CEP135: variants seen among roughly 807,000 people sequenced by gnomAD.
CEP135 encodes the protein centrosomal protein of 135 kDa.
Under a neutral mutation model 157.3 loss-of-function variants are expected in CEP135, and 142 were observed. That is an observed-to-expected ratio of 0.90 (90% confidence interval 0.79 to 1.04). The LOEUF (loss-of-function observed/expected upper bound fraction) is 1.04, where lower values mean the gene tolerates loss of function less well. Among genes scored for constraint, CEP135 ranks in the 50% least tolerant of loss-of-function variants. The pLI is 0.00. For synonymous variants in CEP135, 396 were observed against 439.8 expected (o/e 0.90, Z 1.25); for missense variants, 1,317 against 1,309.2 (o/e 1.01, Z -0.09).
At chr4:56,009,352 C>T (rs1577905253) in intron 18 of CEP135, among the ~76,000 whole-genome samples, 1 of 151,868 alleles carries the variant, frequency 6.6e-6, no homozygotes, top group African/African-American at 2.4e-5. Context: ...TTAGTAGAGA[C>T]GGGGTTTCAC....
rs1017652545 is a variant in CEP135 at position 56,003,218 on chromosome 4, C to T, written c.2280+3573C>T. The stretch of plus-strand genomic sequence containing the variant: ...TTTCTTTTTTTTTGAGACGGAGTCT[C>T]GCTTTGTCGCTCAGGGTGGAGTGCA... On this transcript the variant is annotated intron_variant, in intron 17 of 25. Coordinates refer to ENST00000257287, the MANE Select transcript of CEP135 (RefSeq NM_025009.5). 2.6e-5 allele frequency among the ~76,000 whole-genome samples: 4 copies of T among 151,862 alleles called. No homozygotes were observed. The South Asian group carries it at 6.2e-4, about 24-fold the overall frequency.
chr4:55,998,881 G>A (rs1730065168), intron 15 of CEP135, among the ~76,000 whole-genome samples: 1 of 152,046 alleles, frequency 6.6e-6, no homozygotes, highest in South Asian at 2.1e-4. Context: ...ACAAAAAAAA[G>A]AGCTCACTGG....
Position 55,952,205 on chromosome 4 carries a change from G to T in CEP135, c.75G>T (p.Leu25=). 6.2e-7 allele frequency: 1 copy of T among 1,613,202 alleles called. No individual in the cohort carries two copies. Among genetic ancestry groups the T allele is most frequent in the Non-Finnish European group, 8.5e-7 (1 of 1,179,174 alleles). The change falls in exon 2 of 26, where the codon CTG becomes CTT. Residue 25 remains leucine (L), a synonymous_variant. Coordinates refer to ENST00000257287, the MANE Select transcript of CEP135 (RefSeq NM_025009.5). ...RLDQLGYRQT[L]TVECLPLVEK... ...ATCAGCTGGGATACCGCCAGACTCT[G>T]ACAGTGGAGTGTTTACCTTTGGTAG...
At chr4:55,969,462 G>C (rs948757115) in intron 9 of CEP135, among the ~76,000 whole-genome samples, 3 of 148,532 alleles carry the variant, frequency 2.0e-5, no homozygotes, top group Non-Finnish European at 3.0e-5. Flanking sequence ...AAGAAAATTT[G>C]TATGCTTTGT....
At chr4:55,965,588 A>T in intron 7 of CEP135, 56 bp from the exon 8 acceptor site, 1 of 1,129,634 alleles carries the variant, frequency 8.9e-7, no homozygotes. Flanking sequence ...TTGGAAAGTC[A>T]GTGTTTAGGA....
At chr4:56,023,057 C>A (rs1266378644) in intron 24 of CEP135, among the ~76,000 whole-genome samples, 1 of 151,634 alleles carries the variant, frequency 6.6e-6, no homozygotes, top group Non-Finnish European at 1.5e-5. Context: ...CATAGTATGA[C>A]CCCTATCTCT....
rs376831406 is a variant in CEP135, at chr4:55,974,481, A to G, written c.1250-265A>G. 6.6e-4 allele frequency among the ~76,000 whole-genome samples: 100 copies of G among 152,276 alleles called. 1 individual carries two copies. The highest frequency in any genetic ancestry group is 2.4e-3 in the African/African-American group (98 of 41,558). On this transcript the variant is annotated intron_variant, in intron 10 of 25. Coordinates refer to ENST00000257287, the MANE Select transcript of CEP135 (RefSeq NM_025009.5). Reference sequence around the variant, plus strand: ...GTAATTTATTGCTTCATTTTGTAGTACTGCATAGCACCCATCTTACGATAA... The same window carrying G: ...GTAATTTATTGCTTCATTTTGTAGTGCTGCATAGCACCCATCTTACGATAA...
intron 25 of CEP135, among the ~76,000 whole-genome samples, chr4:56,028,348 G>C (rs551813494): frequency 2.7e-3 from 413 of 152,128 alleles, no homozygotes; most frequent in Non-Finnish European, 5.0e-3. Flanking sequence ...AATGCATGAG[G>C]GTTCCTGTTC....
rs897144742 is a variant in CEP135 at position 56,032,559 on chromosome 4, A to T, written c.*1211A>T. The T allele has an allele frequency of 2.0e-5, 3 of 152,176 alleles. No homozygotes were observed. Among genetic ancestry groups the T allele is most frequent in the Admixed American group, 2.0e-4 (3 of 15,266 alleles). 9.4% of individuals were successfully genotyped at this position (152,176 alleles called of 1,614,324 possible). A position where few individuals can be genotyped will look rare whatever the true frequency, so the allele number is the denominator to read the frequency against. ...CTTCTAAGCCTGTGTGTTATAATTT[A>T]CCAGTTCCCCAAAATGCCATTTTTA... On this transcript the variant is annotated 3_prime_UTR_variant, in exon 26 of 26. Transcript: ENST00000257287.
At chr4:55,999,720 TCTCA>T in intron 17 of CEP135, 75 bp downstream of exon 17, 1 of 1,434,740 alleles carries the variant, frequency 7.0e-7, no homozygotes, top group Non-Finnish European at 9.5e-7. Flanking sequence ...TGAGATGGGG[TCTCA>T]CTCTGTCACT....
chr4:56,030,605 C>T (rs1325371492), intron 25 of CEP135, among the ~76,000 whole-genome samples: 2 of 152,076 alleles, frequency 1.3e-5, no homozygotes, highest in African/African-American at 4.8e-5. Context: ...AGGTGTGTGC[C>T]ACCATACCCA....
At chr4:55,956,946 C>G (rs1209383575) in intron 4 of CEP135, among the ~76,000 whole-genome samples, 1 of 152,086 alleles carries the variant, frequency 6.6e-6, no homozygotes, top group Non-Finnish European at 1.5e-5. Flanking sequence ...AAAGTCTTAT[C>G]CCCATCTAGT....
At chr4:56,004,355 T>C (rs925838810) in intron 17 of CEP135, among the ~76,000 whole-genome samples, 2 of 152,256 alleles carry the variant, frequency 1.3e-5, no homozygotes, top group African/African-American at 4.8e-5. Flanking sequence ...GAACGTTCCA[T>C]GTGCTGATAA....
At chr4:55,995,183 G>A (rs1729928415) in intron 15 of CEP135, among the ~76,000 whole-genome samples, 1 of 152,142 alleles carries the variant, frequency 6.6e-6, no homozygotes, top group South Asian at 2.1e-4. Context: ...AGGAACTTTT[G>A]TCTACCCGGG....
chr4:56,004,870 T>C (rs754721348), intron 17 of CEP135, among the ~76,000 whole-genome samples: 4 of 152,054 alleles, frequency 2.6e-5, no homozygotes, highest in Non-Finnish European at 4.4e-5. Context: ...AGTCTTTTAA[T>C]TGGAGAATGG....
chr4:55,956,241 T>A (rs1366303095), intron 4 of CEP135, among the ~76,000 whole-genome samples: 1 of 152,214 alleles, frequency 6.6e-6, no homozygotes, highest in Non-Finnish European at 1.5e-5. Context: ...AGAATTCTAA[T>A]GAGACAAAAT....
At chr4:55,956,383 A>G (rs185111293) in intron 4 of CEP135, among the ~76,000 whole-genome samples, 1 of 152,332 alleles carries the variant, frequency 6.6e-6, no homozygotes, top group Admixed American at 6.5e-5. Context: ...CCATAAGAAA[A>G]TTTAGTCCTA....
Position 56,032,003 on chromosome 4 carries a change from A to G in CEP135, c.*655A>G, listed in dbSNP as rs576898237. 5 of 152,352 alleles carry G rather than the reference A, an allele frequency of 3.3e-5. No individual in the cohort carries two copies. The South Asian group carries it at 1.0e-3, about 32-fold the overall frequency. 9.4% of individuals were successfully genotyped at this position (152,352 alleles called of 1,614,324 possible). A position where few individuals can be genotyped will look rare whatever the true frequency, so the allele number is the denominator to read the frequency against. ...TATATTATGTAAAATGTTAACTATC[A>G]TCATATGGACTCTATGTAACACAAA... On this transcript the variant is annotated 3_prime_UTR_variant, in exon 26 of 26. Transcript: ENST00000257287.
rs1299756744 is a variant in CEP135, at chr4:55,954,305, GAGAA to G, written c.398_401del (p.Lys133ArgfsTer20). The G allele has an allele frequency of 6.2e-7, 1 of 1,611,586 alleles. No homozygotes were observed. Among genetic ancestry groups the G allele is most frequent in the Non-Finnish European group, 8.5e-7 (1 of 1,179,032 alleles). On this transcript the variant is annotated frameshift_variant, in exon 4 of 26. Coordinates refer to ENST00000257287, the MANE Select transcript of CEP135 (RefSeq NM_025009.5). LOFTEE classifies it high-confidence loss of function. ...ATATGCTCATAAACTCAAACTGTTG[GAGAA>G]AGAGAGCAAAGCTAAGAATGAAAGA... is the stretch of plus-strand genomic sequence containing the variant.
Sources: allele counts gnomAD v4.1 joint callset (sites outside exome capture counted in the v4.1 genomes callset), GRCh38; gene constraint gnomAD v4.1.1; transcripts MANE v1.5; gene names NCBI Gene and HGNC (gene_info 2026-07-23, HGNC 2026-07-21).